The following SPTLC2 variants were observed in gnomAD, a reference collection of about 807,000 sequenced individuals.
SPTLC2 encodes serine palmitoyltransferase long chain base subunit 2, also known as serine palmitoyltransferase 2.
SPTLC2 carries 21 observed loss-of-function variants against 62.0 expected under a neutral mutation model. That is an observed-to-expected ratio of 0.34 (90% CI 0.24 to 0.49). The LOEUF is 0.49. Ranked by LOEUF, SPTLC2 falls within the 20% of genes least tolerant of loss-of-function variation. The pLI, the probability that SPTLC2 is intolerant of heterozygous loss-of-function variation, is 0.99. For synonymous variants in SPTLC2, 261 were observed against 261.8 expected, an observed-to-expected ratio of 1.00 and a Z score of 0.03; for missense variants, 511 against 713.0, an observed-to-expected ratio of 0.72 and a Z score of 3.23.
intron 4 of SPTLC2, among the ~76,000 whole-genome samples, chr14:77,572,913 G>A (rs1171959073): frequency 6.6e-6 from 1 of 152,222 alleles, no homozygotes; most frequent in African/African-American, 2.4e-5. Flanking sequence ...TTAAGGGAAT[G>A]TTGTGGCTGC....
intron 9 of SPTLC2, among the ~76,000 whole-genome samples, chr14:77,549,010 A>T (rs963044223): frequency 4.6e-5 from 7 of 152,230 alleles, no homozygotes; most frequent in African/African-American, 1.7e-4. Context: ...GATAAATGTA[A>T]TATATTCACT....
chr14:77,565,932 T>C (rs1344898413), intron 5 of SPTLC2, among the ~76,000 whole-genome samples: 1 of 152,152 alleles, frequency 6.6e-6, no homozygotes, highest in Non-Finnish European at 1.5e-5. Context: ...TAAATTAAAG[T>C]TTCAAAAAAG....
chr14:77,566,956 T>C (rs1299490792), intron 5 of SPTLC2, among the ~76,000 whole-genome samples: 2 of 152,024 alleles, frequency 1.3e-5, no homozygotes, highest in African/African-American at 2.4e-5. Context: ...ATTTCAATTA[T>C]AGTTTGATTT....
chr14:77,534,178 TCACACACACACA>T (rs199819444), intron 9 of SPTLC2, among the ~76,000 whole-genome samples: 10 of 114,904 alleles, frequency 8.7e-5, no homozygotes, highest in East Asian at 6.8e-4. Context: ...TCTCTCTCTC[TCACACACACACA>T]CACACACACA....
At chr14:77,612,948 T>C (rs993319669) in intron 1 of SPTLC2, among the ~76,000 whole-genome samples, 6 of 152,212 alleles carry the variant, frequency 3.9e-5, no homozygotes, top group African/African-American at 9.6e-5. Flanking sequence ...GATAACTTTT[T>C]TTCTTTCACA....
chr14:77,546,880 C>T (rs2079531124), intron 9 of SPTLC2, among the ~76,000 whole-genome samples: 1 of 152,190 alleles, frequency 6.6e-6, no homozygotes, highest in Non-Finnish European at 1.5e-5. Flanking sequence ...CAGGCATGCG[C>T]CACCACGCCC....
Position 77,512,206 on chromosome 14 carries a change from G to A in SPTLC2, c.*78C>T, listed in dbSNP as rs1454757484. ...TCACGTGAGATGGCCACAGAAGTGT[G>A]GTTCCTGGAACTGGCTCACAAAGGC... is the stretch of plus-strand genomic sequence containing the variant. On this transcript the variant is annotated 3_prime_UTR_variant, in exon 12 of 12. Transcript: ENST00000216484. 6.2e-7 allele frequency: 1 copy of A among 1,604,874 alleles called. No individual in the cohort carries two copies. Among genetic ancestry groups the A allele is most frequent in the African/African-American group, 1.3e-5 (1 of 74,682 alleles).
Position 77,506,788 on chromosome 14 carries a change from G to C in SPTLC2, c.*5496C>G, listed in dbSNP as rs947332423. 6.6e-6 allele frequency: 1 copy of C among 152,162 alleles called. No homozygotes were observed. Among genetic ancestry groups the C allele is most frequent in the African/African-American group, 2.4e-5 (1 of 41,442 alleles). 9.4% of individuals were successfully genotyped at this position (152,162 alleles called of 1,614,324 possible). A position where few individuals can be genotyped will look rare whatever the true frequency, so the allele number is the denominator to read the frequency against. ...CACTCATCCATGCAGATGGCAACAA[G>C]GCAGGACACTCAGAAAGCATAAGAT... On this transcript the variant is annotated 3_prime_UTR_variant, in exon 12 of 12. Coordinates refer to ENST00000216484, the MANE Select transcript of SPTLC2 (RefSeq NM_004863.4).
In SPTLC2 at chr14:77,579,080, T is replaced by C. The variant is rs1163836589; in HGVS notation, c.357A>G (p.Glu119=). Residue 119 remains glutamate, a synonymous_variant, in exon 3 of 12, where the codon GAA becomes GAG. Coordinates refer to ENST00000216484, the MANE Select transcript of SPTLC2 (RefSeq NM_004863.4). ...TGTACAGATTCCTTGTATAAAAGTT[T>C]TCAAAATCTTGATACAATGACACAA... The part of the protein sequence containing the change: ...KDFVSLYQDF[E]NFYTRNLYMR... 1 of 1,614,142 alleles carries C rather than the reference T, an allele frequency of 6.2e-7. No homozygotes were observed. The highest frequency in any genetic ancestry group is 8.5e-7 in the Non-Finnish European group (1 of 1,180,022).
At chr14:77,611,257 C>G (rs1435529439) in intron 1 of SPTLC2, among the ~76,000 whole-genome samples, 1 of 150,246 alleles carries the variant, frequency 6.7e-6, no homozygotes, top group East Asian at 2.0e-4. Context: ...GAGCCAAGAT[C>G]GCGCCACTGC....
intron 2 of SPTLC2, among the ~76,000 whole-genome samples, chr14:77,593,692 T>C (rs549248440): frequency 6.6e-6 from 1 of 152,304 alleles, no homozygotes; most frequent in South Asian, 2.1e-4. Flanking sequence ...TTAACACAGT[T>C]AAACTGGGCT....
At chr14:77,521,342 C>A (rs898431497) in intron 10 of SPTLC2, 104 bp downstream of exon 10, 2 of 1,425,222 alleles carry the variant, frequency 1.4e-6, no homozygotes, top group African/African-American at 1.4e-5. Context: ...AAGGTTAACA[C>A]AGTAAGGACA....
intron 9 of SPTLC2, among the ~76,000 whole-genome samples, chr14:77,533,142 A>G (rs768455859): frequency 8.5e-5 from 13 of 152,084 alleles, no homozygotes; most frequent in Non-Finnish European, 1.8e-4. Context: ...TACTAAAAAA[A>G]TACAAAAATT....
chr14:77,614,581 G>A (rs1002024338), intron 1 of SPTLC2, among the ~76,000 whole-genome samples: 17 of 150,220 alleles, frequency 1.1e-4, no homozygotes, highest in African/African-American at 3.7e-4. Context: ...GGAGAATGGC[G>A]TGAACCTGGG....
At chr14:77,525,395 T>G (rs1219917459) in intron 9 of SPTLC2, among the ~76,000 whole-genome samples, 1 of 150,818 alleles carries the variant, frequency 6.6e-6, no homozygotes, top group Non-Finnish European at 1.5e-5. Context: ...AGTTTGAGAG[T>G]AGCCTGACCA....
intron 11 of SPTLC2, among the ~76,000 whole-genome samples, chr14:77,513,426 T>C (rs2079342974): frequency 6.6e-6 from 1 of 152,046 alleles, no homozygotes; most frequent in South Asian, 2.1e-4. Context: ...ATGTGAAAAA[T>C]ATAAAAGCAA....
Position 77,506,306 on chromosome 14 carries a change from G to T in SPTLC2, c.*5978C>A, listed in dbSNP as rs778612679. 6.6e-6 allele frequency: 1 copy of T among 152,226 alleles called. No individual in the cohort carries two copies. The highest frequency in any genetic ancestry group is 1.5e-5 in the Non-Finnish European group (1 of 68,044). The allele number at this position is 152,226 out of a possible 1,614,324, so 9.4% of individuals were successfully genotyped here. A position where few individuals can be genotyped will look rare whatever the true frequency, so the allele number is the denominator to read the frequency against. On this transcript the variant is annotated 3_prime_UTR_variant, in exon 12 of 12. Transcript: ENST00000216484. Reference sequence around the variant, plus strand: ...AGGTTATATGAACATTACAGCAATAGAAAGGGGTTATCATCACAGCATCCC... The same window carrying T: ...AGGTTATATGAACATTACAGCAATATAAAGGGGTTATCATCACAGCATCCC...
In SPTLC2 at chr14:77,555,411, T is replaced by C; in HGVS notation, c.1065A>G (p.Thr355=). 1 of 1,614,194 alleles carries C rather than the reference T, an allele frequency of 6.2e-7. No individual in the cohort carries two copies. Among genetic ancestry groups the C allele is most frequent in the Non-Finnish European group, 8.5e-7 (1 of 1,180,042 alleles). Residue 355 remains threonine, a synonymous_variant, in exon 8 of 12, where the codon ACA becomes ACG. Transcript: ENST00000216484. ...CAAAGTACTCCACCACACCCCGGCC[T>C]GTGGGGCCCAGGGCGCCAATGCTGT... ...EAHSIGALGP[T]GRGVVEYFGL...
chr14:77,512,753 T>C (rs974908853), intron 11 of SPTLC2, among the ~76,000 whole-genome samples: 1 of 152,254 alleles, frequency 6.6e-6, no homozygotes, highest in African/African-American at 2.4e-5. Context: ...TATCGCTCTG[T>C]TGCTCAGGCT....
Sources: gnomAD v4.1 joint callset for allele counts (sites outside exome capture counted in the v4.1 genomes callset) on GRCh38, gnomAD v4.1.1 for gene constraint, MANE v1.5 for transcripts, NCBI Gene and HGNC (gene_info 2026-07-23, HGNC 2026-07-21) for gene names.